Variants in CSMD1 observed in about 807,000 individuals in gnomAD.
CSMD1 encodes the protein CUB and Sushi multiple domains 1.
CSMD1 carries 213 observed loss-of-function variants against 417.5 expected under a neutral mutation model. The observed-to-expected ratio is 0.51, with a 90% CI of 0.46 to 0.57. CSMD1 has a LOEUF of 0.57. Among genes scored for constraint, CSMD1 ranks in the 20% least tolerant of loss-of-function variants. The pLI, the probability that CSMD1 is intolerant of heterozygous loss-of-function variation, is 0.00. For synonymous variants in CSMD1, 2,862 were observed against 1,736.8 expected, an observed-to-expected ratio of 1.65 and a Z score of -16.11; for missense variants, 6,923 against 4,529.7, an observed-to-expected ratio of 1.53 and a Z score of -15.17.
chr8:4,057,551 G>C (rs79121827), intron 3 of CSMD1, among the ~76,000 whole-genome samples: 140,061 of 151,888 alleles, frequency 0.92, 64,622 homozygotes, highest in East Asian at 0.99. Context: ...GATCCCATTT[G>C]TCAATTTTGG....
intron 1 of CSMD1, among the ~76,000 whole-genome samples, chr8:4,764,872 C>CAAAAAAA (rs1194894751): frequency 0.046 from 2,316 of 50,882 alleles, 80 homozygotes; most frequent in Non-Finnish European, 0.057. Flanking sequence ...GACTCCATCT[C>CAAAAAAA]AAAAAAAAAA....
chr8:3,033,642 T>C (rs1036087489), intron 50 of CSMD1, among the ~76,000 whole-genome samples: 2 of 152,082 alleles, frequency 1.3e-5, no homozygotes, highest in African/African-American at 4.8e-5. Flanking sequence ...GACAAATACT[T>C]AAACCACGCG....
At chr8:4,335,007 T>C (rs1389020731) in intron 3 of CSMD1, among the ~76,000 whole-genome samples, 1 of 152,100 alleles carries the variant, frequency 6.6e-6, no homozygotes. Context: ...GTTGCCTAAG[T>C]GATCTTGTTT....
intron 2 of CSMD1, among the ~76,000 whole-genome samples, chr8:4,524,132 GA>G: frequency 6.6e-6 from 1 of 151,944 alleles, no homozygotes; most frequent in Non-Finnish European, 1.5e-5. Context: ...AATTAAAAAG[GA>G]AATCCAGACC....
chr8:3,451,416 C>G (rs1427483514), intron 12 of CSMD1, among the ~76,000 whole-genome samples: 1 of 152,144 alleles, frequency 6.6e-6, no homozygotes, highest in Admixed American at 6.5e-5. Context: ...ATGGTATTGC[C>G]TAGGTGTTCT....
chr8:3,199,809 C>A lies in CSMD1; in HGVS notation c.5099G>T (p.Gly1700Val), dbSNP rs757400513. 1 of 1,562,342 alleles carries A rather than the reference C, an allele frequency of 6.4e-7. No homozygotes were observed. Among genetic ancestry groups the A allele is most frequent in the South Asian group, 1.2e-5 (1 of 84,692 alleles). ...LLSSLSGSHS[G>V]ETLPLATSNQ... ...TGACGTAGCCAAGGGCAATGTTTCC[C>A]CTAGAAACGAAAACAGAGACAGATT... Residue 1700 changes from glycine (G) to valine (V), a missense_variant and splice_region_variant, in exon 33 of 70, where the codon GGG becomes GTG. Coordinates refer to ENST00000635120, the MANE Select transcript of CSMD1 (RefSeq NM_033225.6).
At chr8:4,219,032 C>G (rs1300307603) in intron 3 of CSMD1, among the ~76,000 whole-genome samples, 1 of 152,140 alleles carries the variant, frequency 6.6e-6, no homozygotes, top group Non-Finnish European at 1.5e-5. Flanking sequence ...TGTGTCATTT[C>G]CCACTAAAAT....
chr8:4,231,507 C>A (rs772662399), intron 3 of CSMD1, among the ~76,000 whole-genome samples: 6 of 111,498 alleles, frequency 5.4e-5, no homozygotes, highest in Non-Finnish European at 1.8e-5. Flanking sequence ...AATTAGGAGA[C>A]ATAAGAAAGG....
intron 1 of CSMD1, among the ~76,000 whole-genome samples, chr8:4,788,973 C>G (rs546297237): frequency 2.0e-5 from 3 of 152,120 alleles, no homozygotes; most frequent in Non-Finnish European, 4.4e-5. Flanking sequence ...TGAGATCAGA[C>G]AGCACTTAAA....
At chr8:3,285,946 T>C (rs1047915446) in intron 25 of CSMD1, among the ~76,000 whole-genome samples, 1 of 152,112 alleles carries the variant, frequency 6.6e-6, no homozygotes, top group Non-Finnish European at 1.5e-5. Flanking sequence ...ACTCACCATT[T>C]AACATTAGAT....
intron 3 of CSMD1, among the ~76,000 whole-genome samples, chr8:4,398,703 A>C (rs115426555): frequency 0.046 from 7,005 of 152,182 alleles, 356 homozygotes; most frequent in African/African-American, 0.13. Context: ...CCACTCTGCA[A>C]CATTTAGCTA....
chr8:4,086,599 T>G (rs1367728972), intron 3 of CSMD1, among the ~76,000 whole-genome samples: 1 of 152,178 alleles, frequency 6.6e-6, no homozygotes, highest in African/African-American at 2.4e-5. Flanking sequence ...AGCTTAACCT[T>G]GAATAAAGTA....
chr8:3,349,950 G>A (rs955918423), intron 21 of CSMD1, among the ~76,000 whole-genome samples: 7 of 142,878 alleles, frequency 4.9e-5, no homozygotes, highest in Non-Finnish European at 9.0e-5. Flanking sequence ...TATTATATGT[G>A]TATGTGTGTT....
chr8:4,391,157 A>G (rs1359704061), intron 3 of CSMD1, among the ~76,000 whole-genome samples: 1 of 152,306 alleles, frequency 6.6e-6, no homozygotes, highest in African/African-American at 2.4e-5. Context: ...TGCTCAGGCA[A>G]GTATGGCAAG....
intron 3 of CSMD1, among the ~76,000 whole-genome samples, chr8:4,336,243 A>G (rs899155327): frequency 9.2e-5 from 14 of 152,126 alleles, no homozygotes; most frequent in Non-Finnish European, 1.5e-5. Flanking sequence ...AGACCCTTTA[A>G]AGGTCTTGCT....
intron 3 of CSMD1, among the ~76,000 whole-genome samples, chr8:4,363,011 T>G (rs555565355): frequency 9.9e-4 from 151 of 152,314 alleles, no homozygotes; most frequent in Non-Finnish European, 1.9e-3. Flanking sequence ...TGAATAGATT[T>G]TGAATTTTCA....
chr8:3,327,572 T>C (rs532174240), intron 23 of CSMD1, among the ~76,000 whole-genome samples: 1 of 152,332 alleles, frequency 6.6e-6, no homozygotes, highest in East Asian at 1.9e-4. Context: ...CAACTGAATG[T>C]CACCATGTTG....
At chr8:3,188,004 C>G (rs774782160) in intron 35 of CSMD1, 39 bp from the exon 36 acceptor site, 2 of 1,554,598 alleles carry the variant, frequency 1.3e-6, no homozygotes, top group Non-Finnish European at 1.8e-6. Flanking sequence ...TTATTTTTGG[C>G]TTAACACAAT....
chr8:4,803,896 T>C (rs1405796952), intron 1 of CSMD1, among the ~76,000 whole-genome samples: 1 of 152,204 alleles, frequency 6.6e-6, no homozygotes, highest in Non-Finnish European at 1.5e-5. Flanking sequence ...GTTAACTGCC[T>C]GAGAAAGCAG....
Sources: gnomAD v4.1 joint callset for allele counts (sites outside exome capture counted in the v4.1 genomes callset) on GRCh38, gnomAD v4.1.1 for gene constraint, MANE v1.5 for transcripts, NCBI Gene and HGNC (gene_info 2026-07-23, HGNC 2026-07-21) for gene names.